The following MKLN1 variants were observed in gnomAD, a reference collection of about 807,000 sequenced individuals.
MKLN1 encodes the protein muskelin.
MKLN1 carries 18 observed loss-of-function variants against 99.0 expected under a neutral mutation model. That is an observed-to-expected ratio of 0.18 (90% CI 0.13 to 0.27). The LOEUF (loss-of-function observed/expected upper bound fraction) is 0.27. Among genes scored for constraint, MKLN1 ranks in the 10% least tolerant of loss-of-function variants. MKLN1 has a pLI of 1.00. For missense variants in MKLN1, 621 were observed against 875.9 expected (o/e 0.71, Z 3.67); for synonymous variants, 288 against 293.2 (o/e 0.98, Z 0.18).
At chr7:131,325,557 T>G (rs561653506), upstream of MKLN1, among the ~76,000 whole-genome samples, 56 of 151,986 alleles carry the variant, frequency 3.7e-4, no homozygotes, top group East Asian at 8.3e-3. Context: ...AGTAGCTTGG[T>G]GTGGTGATGT....
At position 131,116,940 on chromosome 7, in the gene MKLN1, A is replaced by G. The variant is rs58986349; in HGVS notation, c.-419+6733A>G. Among the ~76,000 whole-genome samples, 379 of 152,220 alleles carry G rather than the reference A, an allele frequency of 2.5e-3. 2 individuals carry two copies. The highest frequency in any genetic ancestry group is 8.8e-3 in the African/African-American group (365 of 41,508). On this transcript the variant is annotated intron_variant, in intron 1 of 7. Transcript: ENST00000416992. Reference sequence around the variant, plus strand: ...GTGGGTATCACGTCTATGGAGGGCAATCTGGCAACATTTATCAAATTTTTA... The same window carrying G: ...GTGGGTATCACGTCTATGGAGGGCAGTCTGGCAACATTTATCAAATTTTTA...
chr7:131,141,992 TCCG>T (rs1259138901), intron 1 of MKLN1, among the ~76,000 whole-genome samples: 1 of 152,136 alleles, frequency 6.6e-6, no homozygotes, highest in African/African-American at 2.4e-5. Context: ...AAATTAAATT[TCCG>T]GCTGGGTGTG....
At chr7:131,485,046 C>T (rs914111398) in intron 17 of MKLN1, among the ~76,000 whole-genome samples, 3 of 151,980 alleles carry the variant, frequency 2.0e-5, no homozygotes, top group South Asian at 2.1e-4. Context: ...ATTAGCACAG[C>T]TGTTCTTGTT....
chr7:131,363,235 G>A (rs970858259), intron 1 of MKLN1, among the ~76,000 whole-genome samples: 1 of 151,838 alleles, frequency 6.6e-6, no homozygotes, highest in Admixed American at 6.6e-5. Context: ...CTTTTGAGAT[G>A]TAGTAAAGCT....
At chr7:131,215,464 C>T (rs1397105147) in intron 3 of MKLN1, among the ~76,000 whole-genome samples, 3 of 152,090 alleles carry the variant, frequency 2.0e-5, no homozygotes, top group Admixed American at 2.0e-4. Flanking sequence ...TCTGTCTCAG[C>T]CTCCTGGGTA....
intron 2 of MKLN1, among the ~76,000 whole-genome samples, chr7:131,201,925 T>C (rs906756541): frequency 2.0e-5 from 3 of 152,198 alleles, no homozygotes; most frequent in Admixed American, 6.5e-5. Flanking sequence ...GGTGACACTT[T>C]ATCTTATGCT....
At position 131,406,570 on chromosome 7, in the gene MKLN1, T is replaced by G. The variant is rs112910491; in HGVS notation, c.704-4736T>G. Among the ~76,000 whole-genome samples the G allele has an allele frequency of 3.1e-3, 472 of 152,122 alleles. 1 individual carries two copies. Among genetic ancestry groups the G allele is most frequent in the African/African-American group, 0.011 (450 of 41,562 alleles). On this transcript the variant is annotated intron_variant, in intron 6 of 17. Coordinates refer to ENST00000352689, the MANE Select transcript of MKLN1 (RefSeq NM_013255.5). ...TCATTAATTTTACCCAAATATTTAC[T>G]GGGTTTTTTTTCTCTTCATTATTGT...
chr7:131,111,883 T>G lies in MKLN1; in HGVS notation c.-419+1676T>G, dbSNP rs78892758. On this transcript the variant is annotated intron_variant, in intron 1 of 7. Coordinates refer to the MKLN1 transcript ENST00000416992. ...CAGGCCCAGGAAGGACAAGTAATTT[T>G]GGGTTAGCATTGTGGCATTCGGAGA... Among the ~76,000 whole-genome samples, 1,405 of 152,348 alleles carry G rather than the reference T, an allele frequency of 9.2e-3. 15 individuals carry two copies. Among genetic ancestry groups the G allele is most frequent in the African/African-American group, 0.032 (1,332 of 41,570 alleles).
intron 6 of MKLN1, among the ~76,000 whole-genome samples, chr7:131,407,475 TTTAACATTA>T (rs1794741408): frequency 6.6e-6 from 1 of 152,046 alleles, no homozygotes; most frequent in Admixed American, 6.6e-5. Context: ...TTGATTCTTT[TTTAACATTA>T]TTAATATTTT....
intron 13 of MKLN1, 36 bp from the exon 14 acceptor site, chr7:131,464,258 A>G (rs773306720): frequency 1.5e-6 from 2 of 1,300,544 alleles, no homozygotes; most frequent in Non-Finnish European, 2.2e-6. Flanking sequence ...CTTTGCTGCT[A>G]ATTCTCTAGA....
intron 2 of MKLN1, among the ~76,000 whole-genome samples, chr7:131,385,480 G>A (rs1793986129): frequency 6.6e-6 from 1 of 152,034 alleles, no homozygotes; most frequent in Non-Finnish European, 1.5e-5. Flanking sequence ...ATTCCTGCCA[G>A]CAATGCATGA....
intron 1 of MKLN1, among the ~76,000 whole-genome samples, chr7:131,355,855 A>C (rs1262573749): frequency 6.6e-6 from 1 of 151,330 alleles, no homozygotes; most frequent in Non-Finnish European, 1.5e-5. Context: ...AAATTCTTCT[A>C]TTCTAAATAG....
chr7:131,156,320 G>A (rs1284006932), intron 2 of MKLN1, among the ~76,000 whole-genome samples: 1 of 151,996 alleles, frequency 6.6e-6, no homozygotes, highest in African/African-American at 2.4e-5. Context: ...GAGGTCAGGA[G>A]ATCGAGACCA....
chr7:131,292,608 A>G (rs892436989), intron 3 of MKLN1, among the ~76,000 whole-genome samples: 1 of 152,224 alleles, frequency 6.6e-6, no homozygotes, highest in Admixed American at 6.5e-5. Context: ...GAGGCGTTGT[A>G]GCTGCAAGCC....
intron 1 of MKLN1, among the ~76,000 whole-genome samples, chr7:131,339,968 AAAG>A (rs2116721836): frequency 6.6e-6 from 1 of 151,884 alleles, no homozygotes; most frequent in African/African-American, 2.4e-5. Context: ...ATTTTTTGTT[AAAG>A]AAGTTGTCTT....
chr7:131,132,751 A>T (rs1444562594), intron 1 of MKLN1, among the ~76,000 whole-genome samples: 1 of 151,830 alleles, frequency 6.6e-6, no homozygotes, highest in Non-Finnish European at 1.5e-5. Context: ...ACATGGTGAA[A>T]CCCCATCTCT....
chr7:131,389,750 G>A (rs758022834), intron 4 of MKLN1, among the ~76,000 whole-genome samples: 2 of 151,824 alleles, frequency 1.3e-5, no homozygotes, highest in African/African-American at 4.8e-5. Flanking sequence ...TTAGCTGGGC[G>A]TGGTGGTAGG....
At chr7:131,178,478 A>G (rs374703116) in intron 2 of MKLN1, among the ~76,000 whole-genome samples, 2 of 150,808 alleles carry the variant, frequency 1.3e-5, no homozygotes, top group Non-Finnish European at 3.0e-5. Flanking sequence ...AAATTAACTT[A>G]AAAAAAAATC....
intron 4 of MKLN1, among the ~76,000 whole-genome samples, chr7:131,395,264 A>G (rs939942045): frequency 1.3e-5 from 2 of 151,986 alleles, no homozygotes; most frequent in Non-Finnish European, 2.9e-5. Flanking sequence ...ATGAAAAATA[A>G]ATTGATTTTT....
Sources: gnomAD v4.1 joint callset for allele counts (sites outside exome capture counted in the v4.1 genomes callset) on GRCh38, gnomAD v4.1.1 for gene constraint, MANE v1.5 for transcripts, NCBI Gene and HGNC (gene_info 2026-07-23, HGNC 2026-07-21) for gene names.